The following KANK1 variants were observed in gnomAD, a reference collection of about 807,000 sequenced individuals.
The protein encoded by KANK1 is KN motif and ankyrin repeat domains 1, also known as KN motif and ankyrin repeat domain-containing protein 1.
A neutral mutation model predicts 106.2 loss-of-function variants in KANK1; 109 were observed. The ratio of observed to expected loss-of-function variants is 1.03; its 90% CI spans 0.88 to 1.20. The LOEUF (loss-of-function observed/expected upper bound fraction) is 1.20, where lower values mean the gene tolerates loss of function less well. Among genes scored for constraint, KANK1 ranks in the 50% most tolerant of loss-of-function variants. The pLI, the probability that KANK1 is intolerant of heterozygous loss-of-function variation, is 0.00. For missense variants in KANK1, 2,399 were observed against 1,710.7 expected (o/e 1.40, Z -7.10); for synonymous variants, 873 against 652.2 (o/e 1.34, Z -5.16).
intron 2 of KANK1, among the ~76,000 whole-genome samples, chr9:697,568 G>A (rs539524818): frequency 6.6e-6 from 1 of 152,226 alleles, no homozygotes; most frequent in South Asian, 2.1e-4. Context: ...CTACCCACTA[G>A]CCTTAGCTAG....
At chr9:631,179 A>T (rs78917232) in intron 1 of KANK1, among the ~76,000 whole-genome samples, 1,530 of 152,244 alleles carry the variant, frequency 0.01, 34 homozygotes, top group African/African-American at 0.034. Context: ...CTTTGAGACA[A>T]AGGGCATGAG....
chr9:514,187 C>CCTCT (rs2059170607), intron 1 of KANK1, among the ~76,000 whole-genome samples: 1 of 84,326 alleles, frequency 1.2e-5, no homozygotes, highest in East Asian at 2.9e-4. Flanking sequence ...TTCCTCTCTC[C>CCTCT]CTCCCTTCCT....
At chr9:651,918 A>C (rs1488569158) in intron 1 of KANK1, among the ~76,000 whole-genome samples, 5 of 152,240 alleles carry the variant, frequency 3.3e-5, no homozygotes, top group South Asian at 2.1e-4. Flanking sequence ...TGCTATATTA[A>C]AATTAATAGT....
chr9:557,511 A>G (rs1480084961), intron 1 of KANK1, among the ~76,000 whole-genome samples: 1 of 152,220 alleles, frequency 6.6e-6, no homozygotes, highest in East Asian at 1.9e-4. Flanking sequence ...GACAATGGGG[A>G]AAAATGTCCA....
chr9:666,571 C>T (rs1455075965), intron 1 of KANK1, among the ~76,000 whole-genome samples: 1 of 152,012 alleles, frequency 6.6e-6, no homozygotes, highest in East Asian at 1.9e-4. Flanking sequence ...ATGATGTTGG[C>T]TGTGGATTTA....
chr9:742,046 T>C (rs561147222), intron 9 of KANK1, among the ~76,000 whole-genome samples, 159 bp from the exon 10 acceptor site: 1 of 152,272 alleles, frequency 6.6e-6, no homozygotes, highest in South Asian at 2.1e-4. Context: ...GGGAAGCTGG[T>C]TTCTCCCTGC....
At position 710,800 on chromosome 9, in the gene KANK1, C is replaced by T; in HGVS notation, c.38-4C>T. 6.4e-7 allele frequency: 1 copy of T among 1,568,940 alleles called. No homozygotes were observed. ...ATTATAATATTCTTTTCTCCCTCTT[C>T]TAGGAAAAGCAGGTGATATTCTCAG... On this transcript the variant is annotated splice_region_variant and splice_polypyrimidine_tract_variant and intron_variant, in intron 2 of 11. Transcript: ENST00000382297.
At chr9:715,867 G>T (rs1827551276) in intron 3 of KANK1, among the ~76,000 whole-genome samples, 1 of 152,180 alleles carries the variant, frequency 6.6e-6, no homozygotes, top group African/African-American at 2.4e-5. Flanking sequence ...CATTTGTCAT[G>T]TGGACTGAAA....
rs561198591 is a variant in KANK1, at chr9:583,611, T to G, written c.-84+78857T>G. Among the ~76,000 whole-genome samples, 151 of 151,888 alleles carry G rather than the reference T, an allele frequency of 9.9e-4. 1 individual carries two copies. The highest frequency in any genetic ancestry group is 1.5e-3 in the Non-Finnish European group (105 of 67,908). On this transcript the variant is annotated intron_variant, in intron 1 of 11. Transcript: ENST00000382297. ...TCTAATATGCTTCAGTTGATTTTGT[T>G]CCTTGTAGGCAAAAGTTTCAATAAA...
At chr9:701,076 C>T (rs1329137749) in intron 2 of KANK1, among the ~76,000 whole-genome samples, 2 of 152,026 alleles carry the variant, frequency 1.3e-5, no homozygotes, top group Non-Finnish European at 2.9e-5. Context: ...AGCACTTGAG[C>T]GTAGTGTTAT....
chr9:739,024 ACT>A (rs1426406867), intron 8 of KANK1, among the ~76,000 whole-genome samples: 1 of 152,140 alleles, frequency 6.6e-6, no homozygotes, highest in Non-Finnish European at 1.5e-5. Flanking sequence ...ACCAAAATAT[ACT>A]GTTATTGGGG....
intron 7 of KANK1, among the ~76,000 whole-genome samples, chr9:735,520 C>G (rs989106740): frequency 1.3e-5 from 2 of 152,200 alleles, no homozygotes; most frequent in African/African-American, 4.8e-5. Context: ...ATAGGCCAGA[C>G]TAACCCCCTG....
intron 1 of KANK1, among the ~76,000 whole-genome samples, chr9:603,890 C>T (rs2641979): frequency 0.36 from 52,609 of 146,846 alleles, 11,454 homozygotes; most frequent in South Asian, 0.55. Flanking sequence ...ACCCGGGAGG[C>T]AGAGGTTGCA....
intron 1 of KANK1, among the ~76,000 whole-genome samples, chr9:653,396 C>G (rs1841361951): frequency 6.6e-6 from 1 of 151,944 alleles, no homozygotes; most frequent in African/African-American, 2.4e-5. Context: ...AAGGCCAGAG[C>G]AAAAGGTTTC....
chr9:712,845 G>A lies in KANK1; in HGVS notation c.2079G>A (p.Glu693=). 1 of 1,613,920 alleles carries A rather than the reference G, an allele frequency of 6.2e-7. No homozygotes were observed. The highest frequency in any genetic ancestry group is 1.7e-5 in the Admixed American group (1 of 59,982). ...ACACCGAGACGGCCACCCTCATAGAGTCCTGCACCAACACTTGTCTAAGCA... is the reference window on the plus strand; with the variant it reads ...ACACCGAGACGGCCACCCTCATAGAATCCTGCACCAACACTTGTCTAAGCA... ...FTNTETATLI[E]SCTNTCLSTL... The change falls in exon 3 of 12, where the codon GAG becomes GAA. Residue 693 remains glutamate (E), a synonymous_variant. Transcript: ENST00000382297.
chr9:504,502 G>C (rs933262680), upstream of KANK1, among the ~76,000 whole-genome samples: 1 of 151,650 alleles, frequency 6.6e-6, no homozygotes, highest in Non-Finnish European at 1.5e-5. Context: ...GGGAGCAGCC[G>C]GGGCTTCGCC....
At chr9:668,077 A>G (rs1222118405) in intron 1 of KANK1, among the ~76,000 whole-genome samples, 3 of 152,210 alleles carry the variant, frequency 2.0e-5, no homozygotes, top group Admixed American at 6.5e-5. Context: ...CATTGTGGTC[A>G]GAAAGGATAC....
In KANK1 at chr9:712,886, C is replaced by G. The variant is rs771654483; in HGVS notation, c.2120C>G (p.Thr707Ser). 5.6e-6 allele frequency: 9 copies of G among 1,613,938 alleles called. No homozygotes were observed. The South Asian group carries it at 9.9e-5, about 18-fold the overall frequency. ...TGTCTAAGCACTTTGGACAAGCAGA[C>G]CAGCACCCAGACTGTGGAGACGCGG... ...NTCLSTLDKQ[T>S]STQTVETRTV... Residue 707 changes from threonine to serine, a missense_variant, in exon 3 of 12, where the codon ACC (threonine) becomes AGC (serine). By Grantham distance (58) the Thr-to-Ser change is moderately conservative (BLOSUM62 1). Transcript: ENST00000382297.
intron 3 of KANK1, chr9:492,352 G>T (rs2058391838): frequency 6.6e-6 from 1 of 152,178 alleles, no homozygotes; most frequent in African/African-American, 2.4e-5. Flanking sequence ...AATCAGTATA[G>T]CTTAGCCATG....
Sources: allele counts gnomAD v4.1 joint callset (sites outside exome capture counted in the v4.1 genomes callset), GRCh38; gene constraint gnomAD v4.1.1; transcripts MANE v1.5; gene names NCBI Gene and HGNC (gene_info 2026-07-23, HGNC 2026-07-21).